INO80D: variants seen among roughly 807,000 people sequenced by gnomAD.
INO80D encodes the protein INO80 complex subunit D.
INO80D carries 21 observed loss-of-function variants against 87.6 expected under a neutral mutation model. The ratio of observed to expected loss-of-function variants is 0.24; its 90% CI spans 0.17 to 0.35. INO80D has a LOEUF of 0.35. Among genes scored for constraint, INO80D ranks in the 10% least tolerant of loss-of-function variants. The pLI is 1.00. For synonymous variants in INO80D, 440 were observed against 491.0 expected (o/e 0.90, Z 1.37); for missense variants, 982 against 1,280.7 (o/e 0.77, Z 3.56).
chr2:206,012,420 T>C (rs1193465639), intron 8 of INO80D, among the ~76,000 whole-genome samples: 1 of 152,172 alleles, frequency 6.6e-6, no homozygotes, highest in African/African-American at 2.4e-5. Context: ...CTCTGGCTGC[T>C]ATGTAAACAA....
rs1275741804 is a variant in INO80D at position 206,005,129 on chromosome 2, G to C, written c.2323C>G (p.Leu775Val). Residue 775 changes from leucine (L) to valine (V), a missense_variant, in exon 11 of 11, where the codon CTT (leucine) becomes GTT (valine). By Grantham distance (32) the Leu-to-Val change is conservative. Coordinates refer to ENST00000403263, the MANE Select transcript of INO80D (RefSeq NM_017759.5). ...TGTCCTGGGAAGGCTCTCTCCCCAA[G>C]TGCACTCTGGCTGATCAGAGTGGCA... ...TSATLISQSA[L>V]GERAFPGQFH... 1 of 1,614,000 alleles carries C rather than the reference G, an allele frequency of 6.2e-7. No homozygotes were observed. Among genetic ancestry groups the C allele is most frequent in the South Asian group, 1.1e-5 (1 of 91,086 alleles).
At chr2:206,034,606 A>C (rs1688848434) in intron 5 of INO80D, among the ~76,000 whole-genome samples, 1 of 151,974 alleles carries the variant, frequency 6.6e-6, no homozygotes, top group African/African-American at 2.4e-5. Context: ...ATATAATAAA[A>C]GCCATCTATA....
chr2:206,023,157 C>T (rs1325132909), intron 6 of INO80D, among the ~76,000 whole-genome samples: 7 of 151,830 alleles, frequency 4.6e-5, no homozygotes, highest in Non-Finnish European at 7.4e-5. Context: ...GCCAAGACAG[C>T]GCCATTGCAC....
At chr2:206,009,535 C>T (rs1575795300) in intron 9 of INO80D, 42 bp downstream of exon 9, 1 of 1,527,750 alleles carries the variant, frequency 6.5e-7, no homozygotes, top group African/African-American at 1.4e-5. Context: ...GAGAAGAATC[C>T]CAAAATGTAA....
rs982238987 is a variant in INO80D, at chr2:206,028,241, G to A, written c.1168C>T (p.Arg390Trp). ...QKYKHLCRLE[R>W]AESRQKKCRH... ...CATTTCTTTTGACGAGATTCTGCCC[G>A]CTCCAGGCGGCAGAGGTGCTTATAT... The change falls in exon 6 of 11, where the codon CGG becomes TGG. Residue 390 changes from arginine to tryptophan, a missense_variant. By Grantham distance (101) the Arg-to-Trp change is moderately radical. Coordinates refer to ENST00000403263, the MANE Select transcript of INO80D (RefSeq NM_017759.5). The A allele has an allele frequency of 1.4e-5, 22 of 1,613,594 alleles. No homozygotes were observed. The highest frequency in any genetic ancestry group is 5.3e-5 in the African/African-American group (4 of 74,906).
At chr2:206,053,840 G>C (rs1244436753) in intron 4 of INO80D, among the ~76,000 whole-genome samples, 1 of 139,894 alleles carries the variant, frequency 7.1e-6, no homozygotes, top group Admixed American at 7.5e-5. Flanking sequence ...AAAAGATACA[G>C]AATTTTTTTT....
chr2:206,069,409 C>T (rs1005473515), intron 1 of INO80D, among the ~76,000 whole-genome samples: 6 of 152,090 alleles, frequency 3.9e-5, no homozygotes, highest in Admixed American at 3.3e-4. Flanking sequence ...TTCAGCAAGG[C>T]TTCTAGTTAA....
chr2:206,049,759 A>G (rs1689298253), intron 4 of INO80D, among the ~76,000 whole-genome samples: 1 of 152,252 alleles, frequency 6.6e-6, no homozygotes, highest in South Asian at 2.1e-4. Context: ...TACAGAGTAT[A>G]TGCATTACTA....
intron 6 of INO80D, among the ~76,000 whole-genome samples, chr2:206,023,236 G>A (rs1175444573): frequency 1.3e-5 from 2 of 151,994 alleles, no homozygotes; most frequent in African/African-American, 4.8e-5. Context: ...GTCCACATTA[G>A]AAGGTAGCCA....
chr2:206,070,444 G>A (rs2105900028), intron 1 of INO80D, among the ~76,000 whole-genome samples: 1 of 151,952 alleles, frequency 6.6e-6, no homozygotes, highest in East Asian at 1.9e-4. Flanking sequence ...AAAAGAGCCA[G>A]GCGCGGTGGC....
intron 1 of INO80D, among the ~76,000 whole-genome samples, chr2:206,075,811 T>C (rs865865070): frequency 1.3e-5 from 2 of 150,442 alleles, no homozygotes; most frequent in South Asian, 2.1e-4. Flanking sequence ...CTCAGCACTT[T>C]GGGAGGCTGA....
At chr2:206,007,479 A>G in intron 9 of INO80D, 38 bp from the exon 10 acceptor site, 1 of 1,571,910 alleles carries the variant, frequency 6.4e-7, no homozygotes, top group South Asian at 1.2e-5. Context: ...TAACTCCCCC[A>G]TTATCTTCAC....
intron 5 of INO80D, among the ~76,000 whole-genome samples, chr2:206,029,756 GTATC>G (rs762722049): frequency 4.6e-5 from 7 of 152,132 alleles, no homozygotes; most frequent in Non-Finnish European, 7.3e-5. Flanking sequence ...CATTCACTGT[GTATC>G]TATTATGCTC....
At chr2:206,074,954 G>A (rs1164277169) in intron 1 of INO80D, among the ~76,000 whole-genome samples, 1 of 142,734 alleles carries the variant, frequency 7.0e-6, no homozygotes, top group Non-Finnish European at 1.5e-5. Flanking sequence ...CAGGAGAATC[G>A]CTTAAACCCA....
chr2:206,057,939 T>G (rs542930934), intron 3 of INO80D, among the ~76,000 whole-genome samples: 121 of 152,136 alleles, frequency 8.0e-4, no homozygotes, highest in African/African-American at 2.8e-3. Flanking sequence ...TCAAAACTGC[T>G]ATTTTGAATT....
chr2:206,056,149 A>C, intron 4 of INO80D, 49 bp downstream of exon 4: 1 of 1,506,140 alleles, frequency 6.6e-7, no homozygotes, highest in South Asian at 1.3e-5. Flanking sequence ...ACAACCGAAC[A>C]CATTTTGTCA....
rs1207825429 is a variant in INO80D, at chr2:206,001,535, A to AAGATACT, written c.*2826_*2832dup. 1 of 152,198 alleles carries AAGATACT rather than the reference A, an allele frequency of 6.6e-6. No homozygotes were observed. Among genetic ancestry groups the AAGATACT allele is most frequent in the Non-Finnish European group, 1.5e-5 (1 of 68,030 alleles). 9.4% of individuals were successfully genotyped at this position (152,198 alleles called of 1,614,324 possible). A position where few individuals can be genotyped will look rare whatever the true frequency, so the allele number is the denominator to read the frequency against. On this transcript the variant is annotated 3_prime_UTR_variant, in exon 11 of 11. Transcript: ENST00000403263. ...TGTGATAGCATAAGTGCTATTTTAA[A>AAGATACT]AGATACTAATTTTCATATTTCTGGA...
intron 3 of INO80D, among the ~76,000 whole-genome samples, chr2:206,060,286 A>C (rs1416418959): frequency 6.6e-6 from 1 of 152,070 alleles, no homozygotes; most frequent in African/African-American, 2.4e-5. Context: ...TAATCCCAGC[A>C]CTTTGGGAGG....
chr2:206,047,718 G>A (rs1334434563), intron 4 of INO80D, among the ~76,000 whole-genome samples: 1 of 151,698 alleles, frequency 6.6e-6, no homozygotes, highest in Non-Finnish European at 1.5e-5. Flanking sequence ...AACAACGAAG[G>A]GCCCTATGAT....
Sources: gnomAD v4.1 joint callset for allele counts (sites outside exome capture counted in the v4.1 genomes callset) on GRCh38, gnomAD v4.1.1 for gene constraint, MANE v1.5 for transcripts, NCBI Gene and HGNC (gene_info 2026-07-23, HGNC 2026-07-21) for gene names.